Variants in DPY19L2 observed in about 807,000 individuals in gnomAD.
DPY19L2 encodes probable C-mannosyltransferase DPY19L2.
Under a neutral mutation model 97.9 loss-of-function variants are expected in DPY19L2, and 34 were observed. The ratio of observed to expected loss-of-function variants is 0.35; its 90% CI spans 0.26 to 0.46. The LOEUF (loss-of-function observed/expected upper bound fraction) is 0.46. DPY19L2 is among the 20% of genes least tolerant of loss of function. The probability of loss-of-function intolerance (pLI) is 1.00; values close to 1 mark genes in which losing one functional copy is unlikely to be tolerated. For missense variants in DPY19L2, 623 were observed against 911.4 expected (o/e 0.68, Z 4.07); for synonymous variants, 230 against 307.9 (o/e 0.75, Z 2.65).
chr12:63,618,289 C>T (rs941655875), intron 9 of DPY19L2, 61 bp from the exon 10 acceptor site: 50 of 680,958 alleles, frequency 7.3e-5, no homozygotes, highest in Non-Finnish European at 1.1e-4. Flanking sequence ...CTTTACTATT[C>T]ACAGGCAAAG....
rs752493499 is a variant in DPY19L2, at chr12:63,623,997, T to TA, written c.953+42dup. On this transcript the variant is annotated intron_variant, in intron 8 of 21. Coordinates refer to ENST00000324472, the MANE Select transcript of DPY19L2 (RefSeq NM_173812.5). The stretch of plus-strand genomic sequence containing the variant: ...GAATTGAAGTATATTTTAAGAAACT[T>TA]AAATTATAATTTATTTGCCTTCGTT... The TA allele has an allele frequency of 3.4e-5, 50 of 1,482,952 alleles. 1 individual carries two copies. Among genetic ancestry groups the TA allele is most frequent in the Non-Finnish European group, 4.3e-5 (46 of 1,071,994 alleles). The allele number at this position is 1,482,952 out of a possible 1,614,324, so 91.9% of individuals were successfully genotyped here. A position where few individuals can be genotyped will look rare whatever the true frequency, so the allele number is the denominator to read the frequency against.
At chr12:63,609,412 G>A (rs1827069) in intron 11 of DPY19L2, among the ~76,000 whole-genome samples, 7,585 of 152,072 alleles carry the variant, frequency 0.05, 559 homozygotes, top group African/African-American at 0.17. Context: ...AGTGTTTGGA[G>A]GGTGGGCCTC....
chr12:63,654,245 T>A (rs184947893), intron 4 of DPY19L2, among the ~76,000 whole-genome samples: 2 of 152,080 alleles, frequency 1.3e-5, no homozygotes, highest in African/African-American at 4.8e-5. Context: ...GATTAAAACA[T>A]ACAGTAAAAT....
chr12:63,651,649 C>G (rs1191204138), intron 4 of DPY19L2: 6 of 415,734 alleles, frequency 1.4e-5, no homozygotes, highest in African/African-American at 2.1e-5. Context: ...TCCGGCCCTA[C>G]AGAGACTGCG....
intron 6 of DPY19L2, among the ~76,000 whole-genome samples, chr12:63,636,539 G>A (rs1891734001): frequency 6.6e-6 from 1 of 152,046 alleles, no homozygotes; most frequent in Admixed American, 6.6e-5. Context: ...CCCATCTCAT[G>A]TGCAGAGACA....
At chr12:63,651,729 T>TC in intron 4 of DPY19L2, 1 of 407,404 alleles carries the variant, frequency 2.5e-6, no homozygotes, top group South Asian at 2.2e-5. Context: ...CTGCAATCTC[T>TC]CCAAGACGGA....
At chr12:63,574,701 A>T (rs1326868208) in intron 19 of DPY19L2, among the ~76,000 whole-genome samples, 1 of 152,048 alleles carries the variant, frequency 6.6e-6, no homozygotes, top group African/African-American at 2.4e-5. Flanking sequence ...AAAACTATAA[A>T]AAGAGACAAA....
At chr12:63,601,303 G>T (rs1464044538) in intron 12 of DPY19L2, among the ~76,000 whole-genome samples, 1 of 151,380 alleles carries the variant, frequency 6.6e-6, no homozygotes, top group African/African-American at 2.4e-5. Context: ...TAAGAAAGAG[G>T]AATATGAACT....
At position 63,583,424 on chromosome 12, in the gene DPY19L2, T is replaced by C. The variant is rs923237897; in HGVS notation, c.1605+388A>G. Among the ~76,000 whole-genome samples, 9 of 152,230 alleles carry C rather than the reference T, an allele frequency of 5.9e-5. 1 individual carries two copies. Among genetic ancestry groups the C allele is most frequent in the Non-Finnish European group, 1.3e-4 (9 of 68,030 alleles). On this transcript the variant is annotated intron_variant, in intron 17 of 21. Transcript: ENST00000324472. ...CATGACTTTAGTATCTTGTGTATCC[T>C]TCAACACTTCTGAGCTTGTCACTGA... is the stretch of plus-strand genomic sequence containing the variant.
At position 63,668,222 on chromosome 12, in the gene DPY19L2, T is replaced by C. The variant is rs764443492; in HGVS notation, c.172A>G (p.Arg58Gly). 4 of 1,613,370 alleles carry C rather than the reference T, an allele frequency of 2.5e-6. No individual in the cohort carries two copies. The African/African-American group carries it at 5.3e-5, about 22-fold the overall frequency. Residue 58 changes from arginine to glycine, a missense_variant, in exon 1 of 22, where the codon AGG becomes GGG. Around this residue, in one of 6 missense-constraint regions of DPY19L2, gnomAD observed 144 missense variants for 119.4 expected, o/e 1.21. Coordinates refer to ENST00000324472, the MANE Select transcript of DPY19L2 (RefSeq NM_173812.5). ...TTTCGCTCTTTCAGACTTTGGATCC[T>C]CCCCGGGGAGGACCTCCAGGAGCCC... ...PRGSWRSSPG[R>G]IQSLKERKGL...
intron 4 of DPY19L2, 50 bp from the exon 5 acceptor site, chr12:63,647,415 C>A (rs867944145): frequency 6.7e-6 from 4 of 596,608 alleles, no homozygotes; most frequent in Non-Finnish European, 1.1e-5. Flanking sequence ...ACATTCTCTT[C>A]ATAATAATAA....
At chr12:63,651,581 C>T (rs71467132) in intron 4 of DPY19L2, 40,883 of 246,594 alleles carry the variant, frequency 0.17, 4,073 homozygotes, top group Middle Eastern at 0.23. Context: ...ATGGGTACTC[C>T]GTGCCACTCC....
chr12:63,559,837 G>A lies in DPY19L2; in HGVS notation c.*675C>T, dbSNP rs1353620743. ...TCTAAAGAGAGATGAATAACCTCTT[G>A]AGCTTAGATGGAGAACTAACCAGTG... is the stretch of plus-strand genomic sequence containing the variant. On this transcript the variant is annotated 3_prime_UTR_variant, in exon 22 of 22. Coordinates refer to ENST00000324472, the MANE Select transcript of DPY19L2 (RefSeq NM_173812.5). 3 of 152,014 alleles carry A rather than the reference G, an allele frequency of 2.0e-5. No individual in the cohort carries two copies. The highest frequency in any genetic ancestry group is 4.8e-5 in the African/African-American group (2 of 41,378). 9.4% of individuals were successfully genotyped at this position (152,014 alleles called of 1,614,324 possible).
chr12:63,570,026 T>A (rs909875708), intron 20 of DPY19L2, among the ~76,000 whole-genome samples: 1 of 152,158 alleles, frequency 6.6e-6, no homozygotes, highest in African/African-American at 2.4e-5. Context: ...GAGCATCAGG[T>A]ACATTTCTAA....
intron 9 of DPY19L2, among the ~76,000 whole-genome samples, chr12:63,620,420 T>C (rs529537699): frequency 2.0e-5 from 3 of 152,156 alleles, no homozygotes; most frequent in Non-Finnish European, 4.4e-5. Context: ...CCCAGAATGA[T>C]TCCCAGGACA....
intron 12 of DPY19L2, 66 bp from the exon 13 acceptor site, chr12:63,600,452 G>A: frequency 4.7e-6 from 6 of 1,281,290 alleles, no homozygotes; most frequent in Non-Finnish European, 6.7e-6. Flanking sequence ...ATTCAATTAT[G>A]TCTACAAATG....
chr12:63,624,859 T>C (rs1448016257), intron 7 of DPY19L2, among the ~76,000 whole-genome samples: 1 of 152,156 alleles, frequency 6.6e-6, no homozygotes, highest in African/African-American at 2.4e-5. Context: ...TTATTGCTTC[T>C]CTTCCAAGAT....
At chr12:63,630,108 A>C (rs998616036) in intron 6 of DPY19L2, among the ~76,000 whole-genome samples, 29 of 152,320 alleles carry the variant, frequency 1.9e-4, no homozygotes, top group African/African-American at 7.0e-4. Flanking sequence ...GCCACTGCTA[A>C]AACATGCCAA....
At chr12:63,560,684 T>C in intron 21 of DPY19L2, 22 bp from the exon 22 acceptor site, 2 of 1,612,556 alleles carry the variant, frequency 1.2e-6, no homozygotes, top group Non-Finnish European at 1.7e-6. Context: ...CAGACATATA[T>C]ATCCATATTA....
Sources: gnomAD v4.1 joint callset for allele counts (sites outside exome capture counted in the v4.1 genomes callset) on GRCh38, gnomAD v4.1.1 for gene constraint, gnomAD v4.1.1 regional missense constraint, MANE v1.5 for transcripts, NCBI Gene and HGNC (gene_info 2026-07-23, HGNC 2026-07-21) for gene names.